CNKSR2: variants seen among roughly 807,000 people sequenced by gnomAD.
The protein encoded by CNKSR2 is CNK homolog protein 2.
A neutral mutation model predicts 84.4 loss-of-function variants in CNKSR2; 14 were observed. That is an observed-to-expected ratio of 0.17 (90% CI 0.11 to 0.26). The LOEUF (loss-of-function observed/expected upper bound fraction) is 0.26, where lower values mean the gene tolerates loss of function less well. Ranked by LOEUF, CNKSR2 falls within the 10% of genes least tolerant of loss-of-function variation. CNKSR2 has a pLI of 1.00. For missense variants in CNKSR2, 485 were observed against 771.2 expected (o/e 0.63, Z 4.40); for synonymous variants, 275 against 277.9 (o/e 0.99, Z 0.10).
At chrX:21,640,833 A>G (rs1460002479) in intron 20 of CNKSR2, among the ~76,000 whole-genome samples, 1 of 112,558 alleles carries the variant, frequency 8.9e-6, no homozygotes, top group Non-Finnish European at 1.9e-5. Context: ...TTAGTTTCTC[A>G]GGTCATTCAG....
At chrX:21,432,585 A>G (rs1393504409) in intron 2 of CNKSR2, 27 bp from the exon 3 acceptor site, 5 of 1,004,589 alleles carry the variant, frequency 5.0e-6, no homozygotes, top group East Asian at 3.1e-5. Context: ...GACTTTAAAT[A>G]TATTCTCTCT....
intron 1 of CNKSR2, among the ~76,000 whole-genome samples, chrX:21,417,086 A>G (rs1160485864): frequency 3.6e-5 from 4 of 111,478 alleles, no homozygotes; most frequent in Non-Finnish European, 7.6e-5. Context: ...TGCTTTTGCT[A>G]TATCCCATAG....
chrX:21,558,767 CAT>C (rs1220199489), intron 11 of CNKSR2, among the ~76,000 whole-genome samples: 7 of 111,049 alleles, frequency 6.3e-5, no homozygotes, highest in African/African-American at 1.6e-4. Flanking sequence ...TTTTTGTGCA[CAT>C]ATGTTTGTCT....
rs1555910444 is a variant in CNKSR2, at chrX:21,374,630, A to AGCCGCAGCAGCCGCAGCAGCC, written c.-263_-262insAGCAGCCGCAGCAGCCGCCGC. On this transcript the variant is annotated 5_prime_UTR_variant, in exon 1 of 22. Coordinates refer to ENST00000379510, the MANE Select transcript of CNKSR2 (RefSeq NM_014927.5). Reference sequence around the variant, plus strand: ...CAGCAGCAGCAGCAGCAGCAGCAGCAGCCGCCGCCGCCGCCGCCTTAGCGG... The same window carrying AGCCGCAGCAGCCGCAGCAGCC: ...CAGCAGCAGCAGCAGCAGCAGCAGCAGCCGCAGCAGCCGCAGCAGCCGCCGCCGCCGCCGCCGCCTTAGCGG... 1,629 of 445,297 alleles carry AGCCGCAGCAGCCGCAGCAGCC rather than the reference A, an allele frequency of 3.7e-3. 175 individuals are homozygous for AGCCGCAGCAGCCGCAGCAGCC. The highest frequency in any genetic ancestry group is 0.034 in the African/African-American group (1,176 of 34,753). 36.7% of individuals were successfully genotyped at this position (445,297 alleles called of 1,213,427 possible).
intron 2 of CNKSR2, 22 bp from the exon 3 acceptor site, chrX:21,432,588 TTC>T (rs776898255): frequency 9.8e-7 from 1 of 1,019,215 alleles, no homozygotes; most frequent in South Asian, 2.0e-5. Context: ...TTTAAATATA[TTC>T]TCTCTCTTTT....
intron 13 of CNKSR2, among the ~76,000 whole-genome samples, chrX:21,583,637 C>T (rs1488435929): frequency 8.9e-6 from 1 of 111,989 alleles, no homozygotes; most frequent in Non-Finnish European, 1.9e-5. Flanking sequence ...ATTACTGCAA[C>T]AAGAGAGTAC....
At chrX:21,509,623 G>A (rs2091650618) in intron 8 of CNKSR2, among the ~76,000 whole-genome samples, 1 of 111,543 alleles carries the variant, frequency 9.0e-6, no homozygotes, top group Admixed American at 9.6e-5. Flanking sequence ...CCTGAACCAT[G>A]ACTAATTCTT....
chrX:21,569,827 C>T (rs1163959972), intron 13 of CNKSR2, among the ~76,000 whole-genome samples: 1 of 112,260 alleles, frequency 8.9e-6, no homozygotes, highest in Non-Finnish European at 1.9e-5. Context: ...TAACCTTGTA[C>T]ATCTCCAACA....
intron 1 of CNKSR2, among the ~76,000 whole-genome samples, chrX:21,415,131 A>T (rs780372957): frequency 1.8e-5 from 2 of 111,506 alleles, no homozygotes; most frequent in Non-Finnish European, 1.9e-5. Flanking sequence ...GAATCTGTAG[A>T]TTGCTTTGAG....
At chrX:21,415,819 C>T (rs772310997) in intron 1 of CNKSR2, among the ~76,000 whole-genome samples, 2 of 76,991 alleles carry the variant, frequency 2.6e-5, no homozygotes, top group South Asian at 1.5e-3. Flanking sequence ...ATATACAATA[C>T]ATATATACAT....
chrX:21,606,840 C>T lies in CNKSR2; in HGVS notation c.2106C>T (p.Ser702=). The T allele has an allele frequency of 8.4e-7, 1 of 1,195,348 alleles. No individual in the cohort carries two copies. Among genetic ancestry groups the T allele is most frequent in the Non-Finnish European group, 1.1e-6 (1 of 882,162 alleles). ...ADTPSTPKQD[S]PPPPYDTYPR... ...CTCCATCAACACCAAAACAAGATAG[C>T]CCTCCACCCCCATATGATACATACC... is the stretch of plus-strand genomic sequence containing the variant. The change falls in exon 19 of 22, where the codon AGC becomes AGT. Residue 702 remains serine (S), a synonymous_variant. Coordinates refer to ENST00000379510, the MANE Select transcript of CNKSR2 (RefSeq NM_014927.5).
intron 13 of CNKSR2, among the ~76,000 whole-genome samples, chrX:21,585,207 C>T (rs181198984): frequency 1.0e-4 from 11 of 107,668 alleles, no homozygotes; most frequent in Admixed American, 2.0e-4. Flanking sequence ...CATGCCACTG[C>T]ACTCCAGCCT....
intron 4 of CNKSR2, among the ~76,000 whole-genome samples, chrX:21,467,122 A>G (rs1195420123): frequency 3.6e-5 from 4 of 111,927 alleles, no homozygotes; most frequent in Non-Finnish European, 5.6e-5. Context: ...TGTTATAAAA[A>G]GCAGGTTACC....
intron 1 of CNKSR2, chrX:21,424,450 A>G (rs955947052): frequency 9.0e-6 from 1 of 110,855 alleles, no homozygotes; most frequent in Non-Finnish European, 1.9e-5. Flanking sequence ...TTTTGTTTTC[A>G]TTCTTAGATG....
chrX:21,437,502 C>T (rs1162031111), intron 3 of CNKSR2, among the ~76,000 whole-genome samples: 5 of 103,171 alleles, frequency 4.8e-5, no homozygotes, highest in Non-Finnish European at 9.9e-5. Context: ...TCACTGCAAC[C>T]TCTGCTGCCC....
At chrX:21,639,097 T>G (rs1337586245) in intron 20 of CNKSR2, among the ~76,000 whole-genome samples, 1 of 112,305 alleles carries the variant, frequency 8.9e-6, no homozygotes, top group African/African-American at 3.2e-5. Context: ...TCAGGATAAA[T>G]GAAGTTGTCC....
intron 9 of CNKSR2, among the ~76,000 whole-genome samples, chrX:21,525,374 G>A (rs1310554913): frequency 9.0e-6 from 1 of 110,745 alleles, no homozygotes; most frequent in East Asian, 2.8e-4. Context: ...TTTTATAATA[G>A]CTTACAATTC....
chrX:21,518,652 T>C (rs941772405), intron 9 of CNKSR2, among the ~76,000 whole-genome samples: 2 of 111,600 alleles, frequency 1.8e-5, no homozygotes, highest in East Asian at 5.7e-4. Flanking sequence ...GGACTTTAAT[T>C]TTAAAAATTA....
chrX:21,553,242 G>C (rs1300805596), intron 11 of CNKSR2, among the ~76,000 whole-genome samples: 1 of 111,628 alleles, frequency 9.0e-6, no homozygotes, highest in East Asian at 2.8e-4. Flanking sequence ...GGTCTTGAAT[G>C]ATACATCACT....
Sources: allele counts gnomAD v4.1 joint callset (sites outside exome capture counted in the v4.1 genomes callset), GRCh38; gene constraint gnomAD v4.1.1; transcripts MANE v1.5; gene names NCBI Gene and HGNC (gene_info 2026-07-23, HGNC 2026-07-21).